The following ZNRD2 variants were observed in gnomAD, a reference collection of about 807,000 sequenced individuals.
ZNRD2 encodes zinc ribbon domain containing 2, also known as protein ZNRD2.
Under a neutral mutation model 22.0 loss-of-function variants are expected in ZNRD2, and 16 were observed. That is an observed-to-expected ratio of 0.73 (90% CI 0.49 to 1.11). ZNRD2 has a LOEUF of 1.11. Ranked by LOEUF, ZNRD2 falls within the 50% of genes least tolerant of loss-of-function variation. The pLI, the probability that ZNRD2 is intolerant of heterozygous loss-of-function variation, is 0.00. For missense variants in ZNRD2, 269 were observed against 258.9 expected, an observed-to-expected ratio of 1.04 and a Z score of -0.27; for synonymous variants, 105 against 109.8, an observed-to-expected ratio of 0.96 and a Z score of 0.27.
At position 65,571,598 on chromosome 11, in the gene ZNRD2, C is replaced by T; in HGVS notation, c.464C>T (p.Thr155Ile). Residue 155 changes from threonine (T) to isoleucine (I), a missense_variant, in exon 4 of 4, where the codon ACA becomes ATA. Thr to Ile is a moderately conservative substitution (Grantham distance 89). Coordinates refer to ENST00000309328, the MANE Select transcript of ZNRD2 (RefSeq NM_006396.3). ...ACAGATGTCATGGCCTGCACACAGA[C>T]AGCCCTCTTGCAGAAGCTGACCTGG... ...PNTDVMACTQ[T>I]ALLQKLTWAS... 6.2e-7 allele frequency: 1 copy of T among 1,614,124 alleles called. No individual in the cohort carries two copies. Among genetic ancestry groups the T allele is most frequent in the Non-Finnish European group, 8.5e-7 (1 of 1,180,038 alleles).
At chr11:65,570,789 G>A (rs373203902) in intron 2 of ZNRD2, 34 bp downstream of exon 2, 1 of 1,612,620 alleles carries the variant, frequency 6.2e-7, no homozygotes, top group African/African-American at 1.3e-5. Flanking sequence ...ACCGGGGATG[G>A]GTCCGCGGGC....
chr11:65,570,711 C>T lies in ZNRD2; in HGVS notation c.127C>T (p.Leu43=), dbSNP rs773899636. The change falls in exon 2 of 4, where the codon CTG becomes TTG. Residue 43 remains leucine (L), a synonymous_variant. Coordinates refer to ENST00000309328, the MANE Select transcript of ZNRD2 (RefSeq NM_006396.3). ...CTCCCGGCTCATGGGCGACTATCTG[C>T]TGCGCGGTTACCGCATGCTGGGCGA... is the stretch of plus-strand genomic sequence containing the variant. ...RISRLMGDYL[L]RGYRMLGETC... The T allele has an allele frequency of 6.8e-6, 11 of 1,613,774 alleles. No individual in the cohort carries two copies. The highest frequency in any genetic ancestry group is 3.3e-4 in the Middle Eastern group (2 of 6,084).
intron 3 of ZNRD2, 30 bp downstream of exon 3, chr11:65,571,000 G>T: frequency 6.3e-7 from 1 of 1,593,932 alleles, no homozygotes. Context: ...CGGGAGAGGG[G>T]CCGGATATGC....
chr11:65,571,681 C>T lies in ZNRD2; in HGVS notation c.547C>T (p.Leu183Phe). Residue 183 changes from leucine to phenylalanine, a missense_variant, in exon 4 of 4, where the codon CTT becomes TTT. Coordinates refer to ENST00000309328, the MANE Select transcript of ZNRD2 (RefSeq NM_006396.3). ...GGAGACTAGCATCCAGCTGTGTGGC[C>T]TTATCCGCGCATGTGCGGAGGCCCT... ...SLETSIQLCGLIRACAEALRS... is the reference protein window; with the variant it reads ...SLETSIQLCGFIRACAEALRS... 2 of 1,613,892 alleles carry T rather than the reference C, an allele frequency of 1.2e-6. No individual in the cohort carries two copies. The highest frequency in any genetic ancestry group is 2.2e-5 in the South Asian group (2 of 91,084).
rs1342585425 is a variant in ZNRD2, at chr11:65,571,534, G to C, written c.400G>C (p.Ala134Pro). ...HCEGAAAGLK[A>P]AQGPPAPAVP... is the part of the protein sequence containing the mutation. ...TGAGGGAGCTGCAGCAGGACTCAAG[G>C]CAGCCCAGGGGCCACCTGCTCCTGC... The change falls in exon 4 of 4, where the codon GCA (alanine) becomes CCA (proline). Residue 134 changes from alanine (A) to proline (P), a missense_variant. Coordinates refer to ENST00000309328, the MANE Select transcript of ZNRD2 (RefSeq NM_006396.3). 2 of 1,613,914 alleles carry C rather than the reference G, an allele frequency of 1.2e-6. No homozygotes were observed. The highest frequency in any genetic ancestry group is 1.7e-5 in the Admixed American group (1 of 60,026).
Position 65,571,580 on chromosome 11 carries a change from T to A in ZNRD2, c.446T>A (p.Val149Asp), listed in dbSNP as rs753491230. Residue 149 changes from valine to aspartate, a missense_variant, in exon 4 of 4, where the codon GTC (valine) becomes GAC (aspartate). Val to Asp is a radical substitution (Grantham distance 152, BLOSUM62 -3). Transcript: ENST00000309328. The stretch of plus-strand genomic sequence containing the variant: ...CCTGCTGTGCCTCCAAATACAGATG[T>A]CATGGCCTGCACACAGACAGCCCTC... ...PAPAVPPNTD[V>D]MACTQTALLQ... 2.5e-6 allele frequency: 4 copies of A among 1,614,096 alleles called. No individual in the cohort carries two copies. Among genetic ancestry groups the A allele is most frequent in the Non-Finnish European group, 3.4e-6 (4 of 1,180,028 alleles).
In ZNRD2 at chr11:65,571,609, C is replaced by T. The variant is rs757129906; in HGVS notation, c.475C>T (p.Gln159Ter). 1 of 1,614,156 alleles carries T rather than the reference C, an allele frequency of 6.2e-7. No homozygotes were observed. Among genetic ancestry groups the T allele is most frequent in the South Asian group, 1.1e-5 (1 of 91,088 alleles). ...GGCCTGCACACAGACAGCCCTCTTG[C>T]AGAAGCTGACCTGGGCCTCTGCTGA... ...VMACTQTALLQKLTWASAELG... is the reference protein window; with the variant it reads ...VMACTQTALL Residue 159 changes from glutamine (Q) to a stop codon, truncating the protein, a stop_gained, in exon 4 of 4, where the codon CAG (glutamine) becomes TAG (stop). Transcript: ENST00000309328. LOFTEE classifies it high-confidence loss of function.
At chr11:65,571,002 C>G (rs1392315120) in intron 3 of ZNRD2, 32 bp downstream of exon 3, 3 of 1,598,266 alleles carry the variant, frequency 1.9e-6, no homozygotes, top group South Asian at 1.1e-5. Flanking sequence ...GGAGAGGGGC[C>G]GGATATGCTT....
chr11:65,571,886 G>A lies in ZNRD2; in HGVS notation c.*152G>A, dbSNP rs781688076. On this transcript the variant is annotated 3_prime_UTR_variant, in exon 4 of 4. Coordinates refer to ENST00000309328, the MANE Select transcript of ZNRD2 (RefSeq NM_006396.3). The stretch of plus-strand genomic sequence containing the variant: ...ACCTCTCCACTCTGCTCTCCTTGAC[G>A]CCCTGAGATGAGTTGAGCTTGTTTC... 18 of 1,151,556 alleles carry A rather than the reference G, an allele frequency of 1.6e-5. No individual in the cohort carries two copies. Among genetic ancestry groups the A allele is most frequent in the Non-Finnish European group, 2.1e-5 (18 of 841,516 alleles). The allele number at this position is 1,151,556 out of a possible 1,614,324, so 71.3% of individuals were successfully genotyped here. A position where few individuals can be genotyped will look rare whatever the true frequency, so the allele number is the denominator to read the frequency against.
chr11:65,570,567 C>T lies in ZNRD2; in HGVS notation c.20-37C>T, dbSNP rs376646875. 10 of 1,613,808 alleles carry T rather than the reference C, an allele frequency of 6.2e-6. No individual in the cohort carries two copies. The African/African-American group carries it at 1.2e-4, about 19-fold the overall frequency. On this transcript the variant is annotated intron_variant, in intron 1 of 3. Transcript: ENST00000309328. Reference sequence around the variant, plus strand: ...GTGAGGTACGGGAGGCAGCCCACTCCGGCAAGACCCCCAGTCCCTATGCCT... The same window carrying T: ...GTGAGGTACGGGAGGCAGCCCACTCTGGCAAGACCCCCAGTCCCTATGCCT...
Position 65,570,871 on chromosome 11 carries a change from C to T in ZNRD2, c.172-15C>T. 1 of 1,614,110 alleles carries T rather than the reference C, an allele frequency of 6.2e-7. No homozygotes were observed. Among genetic ancestry groups the T allele is most frequent in the Non-Finnish European group, 8.5e-7 (1 of 1,179,976 alleles). On this transcript the variant is annotated splice_polypyrimidine_tract_variant and intron_variant, in intron 2 of 3. Coordinates refer to ENST00000309328, the MANE Select transcript of ZNRD2 (RefSeq NM_006396.3). The stretch of plus-strand genomic sequence containing the variant: ...CGGCGTCTCATTCCGGCCCCGTGTG[C>T]TTTTTGGTCCGTAGACGATCCTCCT...
intron 2 of ZNRD2, 47 bp downstream of exon 2, chr11:65,570,802 G>T (rs1237202292): frequency 1.2e-6 from 2 of 1,612,566 alleles, no homozygotes; most frequent in Non-Finnish European, 1.7e-6. Context: ...CCGCGGGCCA[G>T]GCCACTCAGC....
At position 65,570,746 on chromosome 11, in the gene ZNRD2, G is replaced by C. The variant is rs1473965536; in HGVS notation, c.162G>C (p.Ala54=). The C allele has an allele frequency of 6.2e-7, 1 of 1,613,732 alleles. No homozygotes were observed. The highest frequency in any genetic ancestry group is 8.5e-7 in the Non-Finnish European group (1 of 1,179,864). ...ACCGCATGCTGGGCGAGACGTGTGC[G>C]GACTGCGGGGTGAGGCGAGACTCGG... ...RGYRMLGETC[A]DCGTILLQDK... The change falls in exon 2 of 4, where the codon GCG becomes GCC. Residue 54 remains alanine (A), a synonymous_variant. Transcript: ENST00000309328.
chr11:65,570,953 T>G lies in ZNRD2; in HGVS notation c.239T>G (p.Val80Gly), dbSNP rs375309281. 1.9e-6 allele frequency: 3 copies of G among 1,613,942 alleles called. No homozygotes were observed. Among genetic ancestry groups the G allele is most frequent in the African/African-American group, 2.7e-5 (2 of 74,894 alleles). Residue 80 changes from valine to glycine, a missense_variant, in exon 3 of 4, where the codon GTG (valine) becomes GGG (glycine). Coordinates refer to ENST00000309328, the MANE Select transcript of ZNRD2 (RefSeq NM_006396.3). The stretch of plus-strand genomic sequence containing the variant: ...GCTTGTCAGGAACTCGACTCAGACG[T>G]GGATAAAGATAATCCCGGTAAGAGT... ...CVACQELDSD[V>G]DKDNPALNAQ...
In ZNRD2 at chr11:65,570,616, TCTC is replaced by T. The variant is rs549472246; in HGVS notation, c.35_37del (p.Ser12del). On this transcript the variant is annotated inframe_deletion, in exon 2 of 4. Coordinates refer to ENST00000309328, the MANE Select transcript of ZNRD2 (RefSeq NM_006396.3). ...CTCTCTTCCCCAGAAGTCGACGACT[TCTC>T]CTGGGAGCCCCCGACTGAGGCGGAG... The T allele has an allele frequency of 7.8e-4, 1,257 of 1,613,822 alleles. 8 individuals are homozygous for T. The African/African-American group carries it at 0.014, about 18-fold the overall frequency.
chr11:65,571,091 G>C, intron 3 of ZNRD2, 121 bp downstream of exon 3: 1 of 970,006 alleles, frequency 1.0e-6, no homozygotes, highest in Non-Finnish European at 1.5e-6. Flanking sequence ...CTCTGGGTGG[G>C]GTAGAAGTAA....
At position 65,570,506 on chromosome 11, in the gene ZNRD2, A is replaced by G; in HGVS notation, c.15A>G (p.Gly5=). The G allele has an allele frequency of 6.2e-7, 1 of 1,613,686 alleles. No homozygotes were observed. The highest frequency in any genetic ancestry group is 1.7e-4 in the Middle Eastern group (1 of 5,996). Residue 5 remains glycine (G), a synonymous_variant, in exon 1 of 4, where the codon GGA becomes GGG. Transcript: ENST00000309328. The stretch of plus-strand genomic sequence containing the variant: ...ACAACGGCAACATGGCCCTGAACGG[A>G]GCTGGTGAGGACCTGGGCGGCAGGG... The part of the protein sequence containing the change: MALN[G]AEVDDFSWEP...
intron 2 of ZNRD2, 62 bp from the exon 3 acceptor site, chr11:65,570,824 C>T (rs903110576): frequency 2.5e-6 from 4 of 1,612,898 alleles, no homozygotes; most frequent in Non-Finnish European, 3.4e-6. Flanking sequence ...CTTCCCCGGC[C>T]CTCCCCTCTG....
Position 65,571,806 on chromosome 11 carries a change from A to G in ZNRD2, c.*72A>G, listed in dbSNP as rs1857136105. The G allele has an allele frequency of 6.8e-7, 1 of 1,467,712 alleles. No homozygotes were observed. Among genetic ancestry groups the G allele is most frequent in the Admixed American group, 2.5e-5 (1 of 39,606 alleles). 90.9% of individuals were successfully genotyped at this position (1,467,712 alleles called of 1,614,324 possible). A position where few individuals can be genotyped will look rare whatever the true frequency, so the allele number is the denominator to read the frequency against. On this transcript the variant is annotated 3_prime_UTR_variant, in exon 4 of 4. Coordinates refer to ENST00000309328, the MANE Select transcript of ZNRD2 (RefSeq NM_006396.3). ...TGTGGTTTGTTTTTTTCCTGGTTCC[A>G]AGTGTGCATGCCAGCCCCAGCTCCA...
Sources: gnomAD v4.1 joint callset for allele counts on GRCh38, gnomAD v4.1.1 for gene constraint, MANE v1.5 for transcripts, NCBI Gene and HGNC (gene_info 2026-07-23, HGNC 2026-07-21) for gene names.